CNTNAP4: variants seen among roughly 807,000 people sequenced by gnomAD.
CNTNAP4 encodes the protein contactin-associated protein-like 4.
A neutral mutation model predicts 148.4 loss-of-function variants in CNTNAP4; 98 were observed. That is an observed-to-expected ratio of 0.66 (90% CI 0.56 to 0.78). The LOEUF (loss-of-function observed/expected upper bound fraction) is 0.78, where lower values mean the gene tolerates loss of function less well. Among genes scored for constraint, CNTNAP4 ranks in the 30% least tolerant of loss-of-function variants. The probability of loss-of-function intolerance (pLI) is 0.00; values close to 1 mark genes in which losing one functional copy is unlikely to be tolerated. For missense variants in CNTNAP4, 1,935 were observed against 1,565.6 expected, an observed-to-expected ratio of 1.24 and a Z score of -3.98; for synonymous variants, 730 against 565.1, an observed-to-expected ratio of 1.29 and a Z score of -4.14.
At chr16:76,311,730 T>C (rs910269649) in intron 1 of CNTNAP4, among the ~76,000 whole-genome samples, 1 of 152,134 alleles carries the variant, frequency 6.6e-6, no homozygotes, top group African/African-American at 2.4e-5. Context: ...CATACCCAGC[T>C]GCATTTTTAA....
At chr16:76,501,210 A>C (rs1186499120) in intron 15 of CNTNAP4, among the ~76,000 whole-genome samples, 1 of 152,236 alleles carries the variant, frequency 6.6e-6, no homozygotes, top group Non-Finnish European at 1.5e-5. Context: ...CATGGGAAGA[A>C]AAATTATGTG....
intron 2 of CNTNAP4, among the ~76,000 whole-genome samples, chr16:76,317,471 C>T (rs748348506): frequency 2.6e-5 from 4 of 152,124 alleles, no homozygotes; most frequent in Admixed American, 2.0e-4. Context: ...TCATAACATA[C>T]TAAGGTAAAA....
At chr16:76,347,670 C>G (rs191894119) in intron 2 of CNTNAP4, among the ~76,000 whole-genome samples, 6 of 152,216 alleles carry the variant, frequency 3.9e-5, no homozygotes, top group Non-Finnish European at 8.8e-5. Context: ...AAGGTATTAG[C>G]CCAGAGTATC....
At chr16:76,468,847 C>G (rs1236608647) in intron 10 of CNTNAP4, among the ~76,000 whole-genome samples, 1 of 152,080 alleles carries the variant, frequency 6.6e-6, no homozygotes, top group African/African-American at 2.4e-5. Flanking sequence ...GCTTTAATAT[C>G]AAGGCTGTTA....
At chr16:76,352,687 A>G (rs982931347) in intron 2 of CNTNAP4, among the ~76,000 whole-genome samples, 3 of 152,212 alleles carry the variant, frequency 2.0e-5, no homozygotes, top group African/African-American at 7.2e-5. Flanking sequence ...GTAATACAGT[A>G]TTAGAATAAG....
intron 13 of CNTNAP4, among the ~76,000 whole-genome samples, chr16:76,493,812 T>C (rs1353707351): frequency 1.3e-5 from 2 of 152,224 alleles, no homozygotes; most frequent in Non-Finnish European, 2.9e-5. Context: ...TGTTTTGACG[T>C]GGCCAGACTG....
chr16:76,341,338 G>T (rs368679615), intron 2 of CNTNAP4, among the ~76,000 whole-genome samples: 1 of 151,916 alleles, frequency 6.6e-6, no homozygotes, highest in African/African-American at 2.4e-5. Context: ...TACAAATTCT[G>T]CCCCCCACCC....
chr16:76,292,716 T>C (rs1004485612), intron 1 of CNTNAP4, among the ~76,000 whole-genome samples: 3 of 151,566 alleles, frequency 2.0e-5, no homozygotes, highest in African/African-American at 4.9e-5. Flanking sequence ...TATTTTTTTT[T>C]CTGTCTTTTT....
intron 4 of CNTNAP4, among the ~76,000 whole-genome samples, chr16:76,430,165 G>A (rs984302978): frequency 4.6e-5 from 7 of 152,126 alleles, no homozygotes; most frequent in Admixed American, 2.6e-4. Context: ...TTATTAAAAT[G>A]TGATATTATA....
intron 10 of CNTNAP4, among the ~76,000 whole-genome samples, chr16:76,470,678 C>A (rs1416570314): frequency 6.6e-6 from 1 of 150,950 alleles, no homozygotes; most frequent in Non-Finnish European, 1.5e-5. Context: ...AAACAAAAAA[C>A]CAGGAAGTAA....
At chr16:76,528,920 C>A (rs575662277) in intron 17 of CNTNAP4, among the ~76,000 whole-genome samples, 9 of 152,116 alleles carry the variant, frequency 5.9e-5, no homozygotes, top group Non-Finnish European at 1.5e-5. Flanking sequence ...CAATCCCTGA[C>A]GTTTCAAATA....
chr16:76,294,628 C>T (rs1567606580), intron 1 of CNTNAP4, among the ~76,000 whole-genome samples: 1 of 152,174 alleles, frequency 6.6e-6, no homozygotes, highest in African/African-American at 2.4e-5. Context: ...GTTTTGGTTT[C>T]ATACACTCAC....
Position 76,489,689 on chromosome 16 carries a change from C to G in CNTNAP4, c.1886C>G (p.Thr629Ser). Residue 629 changes from threonine to serine, a missense_variant, in exon 13 of 24, where the codon ACT (threonine) becomes AGT (serine). Coordinates refer to ENST00000611870, the MANE Select transcript of CNTNAP4 (RefSeq NM_033401.5). ...PFLLYCNMTE[T>S]AWTIIQHNGS... Reference sequence around the variant, plus strand: ...TCCCCCCATTTCTGCATACAAGAAACTGCATGGACCATCATACAGCACAAC... The same window carrying G: ...TCCCCCCATTTCTGCATACAAGAAAGTGCATGGACCATCATACAGCACAAC... The G allele has an allele frequency of 9.0e-6, 14 of 1,559,124 alleles. No homozygotes were observed. Among genetic ancestry groups the G allele is most frequent in the Middle Eastern group, 1.7e-4 (1 of 5,836 alleles).
chr16:76,464,219 G>A (rs1347061041), intron 9 of CNTNAP4, among the ~76,000 whole-genome samples: 1 of 152,162 alleles, frequency 6.6e-6, no homozygotes, highest in Non-Finnish European at 1.5e-5. Context: ...CTGGATCCTG[G>A]GAGTGAACTA....
chr16:76,557,328 C>G (rs1199968975), intron 23 of CNTNAP4: 2 of 152,090 alleles, frequency 1.3e-5, no homozygotes, highest in African/African-American at 4.8e-5. Context: ...CATAGTTTGT[C>G]TGTTAGTCAT....
chr16:76,384,284 C>T (rs2016292968), intron 3 of CNTNAP4, among the ~76,000 whole-genome samples: 1 of 151,974 alleles, frequency 6.6e-6, no homozygotes, highest in Admixed American at 6.6e-5. Context: ...CCTTGTGATC[C>T]ACCCACCTCG....
At chr16:76,474,488 C>T (rs9931673) in intron 10 of CNTNAP4, among the ~76,000 whole-genome samples, 136,978 of 152,226 alleles carry the variant, frequency 0.9, 63,225 homozygotes, top group South Asian at 1. Context: ...CATAATATCT[C>T]TTTCAGATAA....
Position 76,508,645 on chromosome 16 carries a change from C to G in CNTNAP4, c.2365+9951C>G, listed in dbSNP as rs1473944994. Among the ~76,000 whole-genome samples the G allele has an allele frequency of 2.1e-5, 2 of 95,256 alleles. 1 individual carries two copies. The highest frequency in any genetic ancestry group is 2.1e-4 in the Admixed American group (2 of 9,668). The allele number at this position is 95,256 out of a possible 152,430, so 62.5% of individuals were successfully genotyped here. Reference sequence around the variant, plus strand: ...TTTCAAAAGGTTTTCACTTTGGAACCCTGATAGTTGTCAGGACCATGGTAT... The same window carrying G: ...TTTCAAAAGGTTTTCACTTTGGAACGCTGATAGTTGTCAGGACCATGGTAT... On this transcript the variant is annotated intron_variant, in intron 15 of 23. Coordinates refer to ENST00000611870, the MANE Select transcript of CNTNAP4 (RefSeq NM_033401.5).
Position 76,452,597 on chromosome 16 carries a change from T to C in CNTNAP4, c.1161T>C (p.Ser387=), listed in dbSNP as rs2080547106. ...GTTATTTAGCACTGCCAGACTTCTC[T>C]GGAGAGGAGGAGGTTTCTGCCACTT... The part of the protein sequence containing the change: ...SRSYLALPDF[S]GEEEVSATFQ... Residue 387 remains serine, a synonymous_variant, in exon 8 of 24, where the codon TCT becomes TCC. Transcript: ENST00000611870. 1 of 1,614,018 alleles carries C rather than the reference T, an allele frequency of 6.2e-7. No individual in the cohort carries two copies. Among genetic ancestry groups the C allele is most frequent in the South Asian group, 1.1e-5 (1 of 91,086 alleles).
Sources: gnomAD v4.1 joint callset for allele counts (sites outside exome capture counted in the v4.1 genomes callset) on GRCh38, gnomAD v4.1.1 for gene constraint, MANE v1.5 for transcripts, NCBI Gene and HGNC (gene_info 2026-07-23, HGNC 2026-07-21) for gene names.